MARCHF1: variants seen among roughly 807,000 people sequenced by gnomAD.
MARCHF1 encodes E3 ubiquitin-protein ligase MARCHF1.
Under a neutral mutation model 54.2 loss-of-function variants are expected in MARCHF1, and 40 were observed. That is an observed-to-expected ratio of 0.74 (90% CI 0.57 to 0.96). The LOEUF (loss-of-function observed/expected upper bound fraction) is 0.96. Among genes scored for constraint, MARCHF1 ranks in the 40% least tolerant of loss-of-function variants. The pLI is 0.00. For missense variants in MARCHF1, 586 were observed against 656.5 expected (o/e 0.89, Z 1.17); for synonymous variants, 236 against 236.3 (o/e 1.00, Z 0.01).
rs552490661 is a variant in MARCHF1, at chr4:164,271,103, T to C, written c.-323+112767A>G. Among the ~76,000 whole-genome samples, 4 of 152,230 alleles carry C rather than the reference T, an allele frequency of 2.6e-5. No homozygotes were observed. The South Asian group carries it at 6.2e-4, about 24-fold the overall frequency. ...ATGTCATTAGAAATCAGTAAGTAAA[T>C]AGATGGACAATGTAATGAAAGATGC... On this transcript the variant is annotated intron_variant, in intron 1 of 9. Coordinates refer to ENST00000514618, the MANE Select transcript of MARCHF1 (RefSeq NM_001394959.1).
intron 1 of MARCHF1, among the ~76,000 whole-genome samples, chr4:164,232,903 A>G (rs1191866405): frequency 6.6e-6 from 1 of 152,182 alleles, no homozygotes; most frequent in African/African-American, 2.4e-5. Flanking sequence ...TCCATTTTAT[A>G]AAACTTCTTC....
At chr4:164,143,525 C>T (rs868233176) in intron 1 of MARCHF1, among the ~76,000 whole-genome samples, 5 of 150,716 alleles carry the variant, frequency 3.3e-5, no homozygotes, top group African/African-American at 9.8e-5. Context: ...ATTCAACATT[C>T]TTAAAGAAAA....
At chr4:163,626,001 G>T (rs576846523) in intron 5 of MARCHF1, among the ~76,000 whole-genome samples, 1 of 152,272 alleles carries the variant, frequency 6.6e-6, no homozygotes, top group Admixed American at 6.5e-5. Context: ...GTGTAAGATT[G>T]AAATGGGGCT....
At chr4:164,096,147 G>A (rs1430751559) in intron 2 of MARCHF1, among the ~76,000 whole-genome samples, 2 of 152,062 alleles carry the variant, frequency 1.3e-5, no homozygotes, top group African/African-American at 2.4e-5. Context: ...TCACAATAGC[G>A]AAGACATGGA....
intron 1 of MARCHF1, among the ~76,000 whole-genome samples, chr4:164,227,271 AT>A (rs543315168): frequency 1.1e-3 from 169 of 152,246 alleles, no homozygotes; most frequent in African/African-American, 3.9e-3. Flanking sequence ...AATGCCAGAC[AT>A]TTATAAAACC....
intron 4 of MARCHF1, among the ~76,000 whole-genome samples, chr4:163,783,427 T>C (rs1023484059): frequency 1.3e-5 from 2 of 152,158 alleles, no homozygotes; most frequent in Admixed American, 1.3e-4. Flanking sequence ...TTTAGGTAGC[T>C]TCCAGAACCA....
intron 3 of MARCHF1, among the ~76,000 whole-genome samples, chr4:163,987,137 T>C (rs1166503694): frequency 6.6e-6 from 1 of 152,174 alleles, no homozygotes; most frequent in Non-Finnish European, 1.5e-5. Flanking sequence ...AGAAACCTGT[T>C]TCATATTCTA....
chr4:164,275,645 A>G (rs542958267), intron 1 of MARCHF1, among the ~76,000 whole-genome samples: 1 of 152,252 alleles, frequency 6.6e-6, no homozygotes, highest in African/African-American at 2.4e-5. Flanking sequence ...AAATTTAGCT[A>G]TTTATAAATT....
intron 3 of MARCHF1, among the ~76,000 whole-genome samples, chr4:163,961,656 G>C (rs945505161): frequency 2.0e-5 from 3 of 151,852 alleles, no homozygotes; most frequent in African/African-American, 7.2e-5. Context: ...TGGTTGACAG[G>C]CTTGCTTATT....
intron 2 of MARCHF1, among the ~76,000 whole-genome samples, chr4:164,078,622 A>T (rs1012063970): frequency 3.3e-5 from 5 of 152,236 alleles, no homozygotes; most frequent in Non-Finnish European, 7.3e-5. Flanking sequence ...GGAAACTATA[A>T]GAAATAACAT....
chr4:164,200,936 G>A (rs758931483), intron 1 of MARCHF1, among the ~76,000 whole-genome samples: 64 of 152,212 alleles, frequency 4.2e-4, no homozygotes, highest in Non-Finnish European at 6.9e-4. Context: ...TGAAGAGCCA[G>A]GACCAAGACC....
chr4:164,142,068 C>T (rs191694324), intron 1 of MARCHF1, among the ~76,000 whole-genome samples: 76 of 152,154 alleles, frequency 5.0e-4, no homozygotes, highest in African/African-American at 1.8e-3. Flanking sequence ...ACAGACGGCA[C>T]CTGGAAAATC....
At chr4:163,769,730 C>T (rs1027332460) in intron 4 of MARCHF1, among the ~76,000 whole-genome samples, 1 of 152,048 alleles carries the variant, frequency 6.6e-6, no homozygotes, top group African/African-American at 2.4e-5. Flanking sequence ...TAGCAGTAGC[C>T]GGGCACACTT....
intron 8 of MARCHF1, among the ~76,000 whole-genome samples, chr4:163,569,922 CA>C (rs1739785480): frequency 6.6e-6 from 1 of 152,114 alleles, no homozygotes; most frequent in Non-Finnish European, 1.5e-5. Context: ...AGAAAGTAGG[CA>C]TAAGATAAAT....
In MARCHF1 at chr4:163,868,324, T is replaced by A. The variant is rs577142000; in HGVS notation, c.-38-14155A>T. On this transcript the variant is annotated intron_variant, in intron 3 of 9. Coordinates refer to ENST00000514618, the MANE Select transcript of MARCHF1 (RefSeq NM_001394959.1). ...CTACATGAAAAATACATAAGAATAC[T>A]ATAAAATATAAATTAAAAGGAAAAT... Among the ~76,000 whole-genome samples the A allele has an allele frequency of 6.6e-5, 10 of 152,014 alleles. No homozygotes were observed. The South Asian group carries it at 2.1e-3, about 31-fold the overall frequency.
intron 1 of MARCHF1, among the ~76,000 whole-genome samples, chr4:164,336,518 T>C (rs1485265897): frequency 1.3e-5 from 2 of 152,194 alleles, no homozygotes; most frequent in African/African-American, 4.8e-5. Flanking sequence ...GAAGCAAATA[T>C]TCATATTTTA....
At chr4:164,317,126 C>G (rs1735020878) in intron 1 of MARCHF1, among the ~76,000 whole-genome samples, 1 of 152,122 alleles carries the variant, frequency 6.6e-6, no homozygotes, top group Non-Finnish European at 1.5e-5. Flanking sequence ...TGAAAAGTGA[C>G]ATAAGTAAAT....
chr4:164,094,360 C>T (rs1426127163), intron 2 of MARCHF1, among the ~76,000 whole-genome samples: 2 of 152,154 alleles, frequency 1.3e-5, no homozygotes, highest in African/African-American at 4.8e-5. Context: ...ACTGAAATGA[C>T]AGGGACAATA....
chr4:163,905,248 T>C (rs1683200093), intron 3 of MARCHF1, among the ~76,000 whole-genome samples: 1 of 151,970 alleles, frequency 6.6e-6, no homozygotes, highest in Non-Finnish European at 1.5e-5. Flanking sequence ...CAATCCTAAA[T>C]GTCAAGCCTA....
Sources: gnomAD v4.1 joint callset for allele counts (sites outside exome capture counted in the v4.1 genomes callset) on GRCh38, gnomAD v4.1.1 for gene constraint, MANE v1.5 for transcripts, NCBI Gene and HGNC (gene_info 2026-07-23, HGNC 2026-07-21) for gene names.